GAS2L3: variants seen among roughly 807,000 people sequenced by gnomAD.
The protein encoded by GAS2L3 is growth arrest specific 2 like 3.
Under a neutral mutation model 37.0 loss-of-function variants are expected in GAS2L3, and 28 were observed. The ratio of observed to expected loss-of-function variants is 0.76; its 90% CI spans 0.56 to 1.04. The LOEUF (loss-of-function observed/expected upper bound fraction) is 1.04, where lower values mean the gene tolerates loss of function less well. Ranked by LOEUF, GAS2L3 falls within the 50% of genes least tolerant of loss-of-function variation. The pLI, the probability that GAS2L3 is intolerant of heterozygous loss-of-function variation, is 0.00. For missense variants in GAS2L3, 793 were observed against 817.6 expected, an observed-to-expected ratio of 0.97 and a Z score of 0.37; for synonymous variants, 290 against 296.6, an observed-to-expected ratio of 0.98 and a Z score of 0.23.
In GAS2L3 at chr12:100,574,449, C is replaced by T. The variant is rs928355454; in HGVS notation, c.-152+664C>T. Among the ~76,000 whole-genome samples, 3 of 152,136 alleles carry T rather than the reference C, an allele frequency of 2.0e-5. No individual in the cohort carries two copies. The East Asian group carries it at 5.8e-4, about 29-fold the overall frequency. On this transcript the variant is annotated intron_variant, in intron 1 of 9. Transcript: ENST00000547754. ...ACAACCCTCAGTTTGGAGGACTGCC[C>T]GGGGAGAGGCTGGCAAAAGAAAGGG...
At chr12:100,604,561 C>T (rs970212115) in intron 5 of GAS2L3, among the ~76,000 whole-genome samples, 1 of 148,432 alleles carries the variant, frequency 6.7e-6, no homozygotes, top group African/African-American at 2.5e-5. Context: ...TTAACATCCT[C>T]CTTTCCAGTT....
At chr12:100,582,479 A>G (rs760744428) in intron 1 of GAS2L3, among the ~76,000 whole-genome samples, 19 of 152,298 alleles carry the variant, frequency 1.2e-4, no homozygotes, top group Non-Finnish European at 2.5e-4. Context: ...CCTTAATTGT[A>G]ACTGTCAGTG....
chr12:100,582,699 A>C (rs897769324), intron 1 of GAS2L3, among the ~76,000 whole-genome samples: 5 of 152,268 alleles, frequency 3.3e-5, no homozygotes, highest in African/African-American at 7.2e-5. Context: ...ATTAGCTTCT[A>C]GTTACGGCTG....
At chr12:100,617,839 T>C (rs1428184155) in intron 7 of GAS2L3, 32 bp downstream of exon 7, 1 of 1,287,336 alleles carries the variant, frequency 7.8e-7, no homozygotes, top group East Asian at 2.3e-5. Flanking sequence ...AGAATTTCAA[T>C]GTTATAAACA....
At chr12:100,591,295 A>G (rs1166792211) in intron 1 of GAS2L3, among the ~76,000 whole-genome samples, 1 of 152,118 alleles carries the variant, frequency 6.6e-6, no homozygotes, top group Non-Finnish European at 1.5e-5. Flanking sequence ...GCAAACAGTT[A>G]AATAGCCCCA....
In GAS2L3 at chr12:100,625,275, C is replaced by T. The variant is rs1048495095; in HGVS notation, c.*385C>T. ...GAGTTCATATACCTGCTAATATCAACGGTGGTGCTCTTACTATTAGTTAAT... is the reference window on the plus strand; with the variant it reads ...GAGTTCATATACCTGCTAATATCAATGGTGGTGCTCTTACTATTAGTTAAT... On this transcript the variant is annotated 3_prime_UTR_variant, in exon 10 of 10. Coordinates refer to ENST00000547754, the MANE Select transcript of GAS2L3 (RefSeq NM_174942.3). 5.8e-5 allele frequency: 9 copies of T among 155,828 alleles called. No homozygotes were observed. The highest frequency in any genetic ancestry group is 1.9e-4 in the South Asian group (1 of 5,208). The allele number at this position is 155,828 out of a possible 1,614,324, so 9.7% of individuals were successfully genotyped here.
At chr12:100,614,800 T>G (rs1382340228) in intron 6 of GAS2L3, among the ~76,000 whole-genome samples, 1 of 152,236 alleles carries the variant, frequency 6.6e-6, no homozygotes. Context: ...TGTCTGTTTC[T>G]TTTAGTTAGC....
In GAS2L3 at chr12:100,618,454, G is replaced by C; in HGVS notation, c.515G>C (p.Gly172Ala). 6.2e-7 allele frequency: 1 copy of C among 1,607,918 alleles called. No homozygotes were observed. The highest frequency in any genetic ancestry group is 2.2e-5 in the East Asian group (1 of 44,530). Residue 172 changes from glycine to alanine, a missense_variant, in exon 8 of 10, where the codon GGG (glycine) becomes GCG (alanine). Physicochemically the swap from Gly to Ala is moderately conservative, Grantham distance 60. Transcript: ENST00000547754. ...ATCTCCTGGTTGGTTTTCAGATACG[G>C]GGTTGAGCCACCAGTGTTAGTAAAA... ...LEIGRIVSRY[G>A]VEPPVLVKLE...
chr12:100,612,101 T>C lies in GAS2L3; in HGVS notation c.405T>C (p.Ile135=). The C allele has an allele frequency of 6.2e-7, 1 of 1,613,014 alleles. No individual in the cohort carries two copies. Among genetic ancestry groups the C allele is most frequent in the South Asian group, 1.1e-5 (1 of 91,036 alleles). The change falls in exon 6 of 10, where the codon ATT becomes ATC. Residue 135 remains isoleucine, a synonymous_variant. Transcript: ENST00000547754. The part of the protein sequence containing the change: ...TANFLHWCRD[I]GVDETYLFES... ...ACTTCCTTCACTGGTGTAGGGACATTGGGGTTGATGAAACTTACCTCTTTG... is the reference window on the plus strand; with the variant it reads ...ACTTCCTTCACTGGTGTAGGGACATCGGGGTTGATGAAACTTACCTCTTTG...
At chr12:100,603,326 A>T (rs535300865) in intron 5 of GAS2L3, among the ~76,000 whole-genome samples, 3 of 152,090 alleles carry the variant, frequency 2.0e-5, no homozygotes, top group South Asian at 4.1e-4. Context: ...CTTTTGGATA[A>T]AAGCCATTTT....
In GAS2L3 at chr12:100,624,932, G is replaced by T. The variant is rs79328140; in HGVS notation, c.*42G>T. On this transcript the variant is annotated 3_prime_UTR_variant, in exon 10 of 10. Coordinates refer to ENST00000547754, the MANE Select transcript of GAS2L3 (RefSeq NM_174942.3). ...AAAAAAGAGAAAAGGAAGAATGAAT[G>T]TGTTAGCTTCACATCTTAAAAGTTT... The T allele has an allele frequency of 3.3e-3, 4,708 of 1,410,634 alleles. 137 individuals carry two copies. In the African/African-American group the frequency reaches 0.06, roughly 18 times the overall value. The allele number at this position is 1,410,634 out of a possible 1,614,324, so 87.4% of individuals were successfully genotyped here. A position where few individuals can be genotyped will look rare whatever the true frequency, so the allele number is the denominator to read the frequency against.
At position 100,600,439 on chromosome 12, in the gene GAS2L3, G is replaced by C. The variant is rs745960580; in HGVS notation, c.76G>C (p.Gly26Arg). 7.4e-5 allele frequency: 119 copies of C among 1,612,094 alleles called. No homozygotes were observed. Among genetic ancestry groups the C allele is most frequent in the Non-Finnish European group, 9.8e-5 (116 of 1,178,850 alleles). Reference protein sequence around the residue: ...SPRSPLTPRHGPGLANVCQYD... With the variant: ...SPRSPLTPRHRPGLANVCQYD... ...TCGGAGTCCTCTGACTCCCAGACAC[G>C]GACCAGGATTGGCTAATGTTTGTCA... The change falls in exon 4 of 10, where the codon GGA (glycine) becomes CGA (arginine). Residue 26 changes from glycine (G) to arginine (R), a missense_variant. Gly to Arg is a moderately radical substitution (Grantham distance 125, BLOSUM62 -2). Coordinates refer to ENST00000547754, the MANE Select transcript of GAS2L3 (RefSeq NM_174942.3).
chr12:100,605,172 T>A (rs1175157687), intron 5 of GAS2L3, among the ~76,000 whole-genome samples: 1 of 152,180 alleles, frequency 6.6e-6, no homozygotes, highest in Non-Finnish European at 1.5e-5. Context: ...TTGCTATTAG[T>A]TCTTTAAATG....
intron 3 of GAS2L3, among the ~76,000 whole-genome samples, chr12:100,597,575 A>G (rs1403281103): frequency 6.6e-6 from 1 of 152,040 alleles, no homozygotes; most frequent in African/African-American, 2.4e-5. Context: ...AATGTCCCTT[A>G]AATAACTTAC....
At chr12:100,575,716 G>C (rs540310231) in intron 1 of GAS2L3, among the ~76,000 whole-genome samples, 66 of 152,068 alleles carry the variant, frequency 4.3e-4, no homozygotes, top group African/African-American at 1.6e-3. Flanking sequence ...TTGACGTCGT[G>C]TTCCGCCCGA....
chr12:100,625,513 A>T lies in GAS2L3; in HGVS notation c.*623A>T, dbSNP rs983892840. 1 of 152,186 alleles carries T rather than the reference A, an allele frequency of 6.6e-6. No homozygotes were observed. Among genetic ancestry groups the T allele is most frequent in the African/African-American group, 2.4e-5 (1 of 41,450 alleles). 9.4% of individuals were successfully genotyped at this position (152,186 alleles called of 1,614,324 possible). ...AGGAACTGATTGTTTCATGTGGCTT[A>T]TATTTACATTGGTAATATTTTGTCA... On this transcript the variant is annotated 3_prime_UTR_variant, in exon 10 of 10. Coordinates refer to ENST00000547754, the MANE Select transcript of GAS2L3 (RefSeq NM_174942.3).
intron 2 of GAS2L3, among the ~76,000 whole-genome samples, chr12:100,593,301 G>GT (rs1376173874): frequency 2.0e-5 from 3 of 152,004 alleles, no homozygotes; most frequent in Non-Finnish European, 4.4e-5. Flanking sequence ...TAAAGAATTT[G>GT]TTTTTTAAAG....
intron 1 of GAS2L3, chr12:100,579,843 T>G (rs1479143174): frequency 2.2e-5 from 16 of 740,960 alleles, no homozygotes; most frequent in Admixed American, 1.7e-4. Flanking sequence ...CCAACTGAAG[T>G]CAGGGGCATT....
intron 1 of GAS2L3, chr12:100,579,827 T>C: frequency 1.4e-6 from 1 of 732,630 alleles, no homozygotes; most frequent in South Asian, 1.5e-5. Context: ...TGGAAAAAGC[T>C]ATTTTCCAAC....
Sources: allele counts gnomAD v4.1 joint callset (sites outside exome capture counted in the v4.1 genomes callset), GRCh38; gene constraint gnomAD v4.1.1; transcripts MANE v1.5; gene names NCBI Gene and HGNC (gene_info 2026-07-23, HGNC 2026-07-21).